SLC9A9: variants seen among roughly 807,000 people sequenced by gnomAD.
The protein encoded by SLC9A9 is sodium/hydrogen exchanger 9.
In SLC9A9, 62 loss-of-function variants were observed where a neutral mutation model predicts 77.8. The ratio of observed to expected loss-of-function variants is 0.80; its 90% confidence interval spans 0.65 to 0.98. The LOEUF is 0.98. Among genes scored for constraint, SLC9A9 ranks in the 50% least tolerant of loss-of-function variants. The pLI, the probability that SLC9A9 is intolerant of heterozygous loss-of-function variation, is 0.00. For missense variants in SLC9A9, 775 were observed against 774.9 expected, an observed-to-expected ratio of 1.00 and a Z score of 0.00; for synonymous variants, 320 against 283.5, an observed-to-expected ratio of 1.13 and a Z score of -1.29.
chr3:143,396,358 A>G (rs900991832), intron 12 of SLC9A9, among the ~76,000 whole-genome samples: 1 of 152,204 alleles, frequency 6.6e-6, no homozygotes, highest in Non-Finnish European at 1.5e-5. Context: ...AAAAAACCAA[A>G]CACCGCATGT....
At chr3:143,417,000 G>A (rs184234310) in intron 12 of SLC9A9, among the ~76,000 whole-genome samples, 53 of 152,282 alleles carry the variant, frequency 3.5e-4, no homozygotes, top group South Asian at 2.1e-3. Context: ...ATGGGGAAAG[G>A]ATAAAGAAGA....
At chr3:143,327,975 A>G (rs1465052054) in intron 14 of SLC9A9, among the ~76,000 whole-genome samples, 1 of 152,246 alleles carries the variant, frequency 6.6e-6, no homozygotes, top group East Asian at 1.9e-4. Flanking sequence ...ACCCATGTCA[A>G]CAAGGCATTT....
In SLC9A9 at chr3:143,789,733, A is replaced by G. The variant is rs569439452; in HGVS notation, c.533+5268T>C. 7.9e-5 allele frequency among the ~76,000 whole-genome samples: 12 copies of G among 152,208 alleles called. No homozygotes were observed. The South Asian group carries it at 2.5e-3, about 32-fold the overall frequency. ...AGTTGAGCAGGCACAGTGGCACACAAGAGGGCAGAGGGAGAGTGTCCACAC... is the reference window on the plus strand; with the variant it reads ...AGTTGAGCAGGCACAGTGGCACACAGGAGGGCAGAGGGAGAGTGTCCACAC... On this transcript the variant is annotated intron_variant, in intron 4 of 15. Transcript: ENST00000316549.
intron 6 of SLC9A9, among the ~76,000 whole-genome samples, chr3:143,613,032 T>C (rs995869126): frequency 6.6e-6 from 1 of 152,230 alleles, no homozygotes; most frequent in Non-Finnish European, 1.5e-5. Context: ...AGCCTCCCAA[T>C]AACATACTGC....
At chr3:143,446,666 G>A (rs766779628) in intron 12 of SLC9A9, among the ~76,000 whole-genome samples, 1 of 152,176 alleles carries the variant, frequency 6.6e-6, no homozygotes, top group Non-Finnish European at 1.5e-5. Context: ...TCTGTGGGGT[G>A]TGATCTATCA....
intron 4 of SLC9A9, among the ~76,000 whole-genome samples, chr3:143,765,002 T>TTCCTTC (rs1180532419): frequency 0.012 from 1,662 of 135,944 alleles, 27 homozygotes; most frequent in African/African-American, 0.054. Flanking sequence ...TTCCTTCCTT[T>TTCCTTC]CTTTCTTTCT....
At chr3:143,601,166 A>G (rs1355785862) in intron 6 of SLC9A9, among the ~76,000 whole-genome samples, 1 of 152,178 alleles carries the variant, frequency 6.6e-6, no homozygotes, top group Non-Finnish European at 1.5e-5. Context: ...TATTCATTCA[A>G]TGAATATTTA....
intron 2 of SLC9A9, among the ~76,000 whole-genome samples, chr3:143,827,209 T>C (rs2009321847): frequency 6.6e-6 from 1 of 152,230 alleles, no homozygotes; most frequent in Non-Finnish European, 1.5e-5. Context: ...TATCATGTAA[T>C]AGGATGTAGG....
chr3:143,616,798 G>A (rs1187335253), intron 6 of SLC9A9, among the ~76,000 whole-genome samples: 2 of 152,032 alleles, frequency 1.3e-5, no homozygotes, highest in East Asian at 3.9e-4. Context: ...TCATAAATAT[G>A]GATAAAGAAG....
intron 4 of SLC9A9, among the ~76,000 whole-genome samples, chr3:143,726,970 T>A (rs1201983611): frequency 6.6e-6 from 1 of 151,942 alleles, no homozygotes; most frequent in East Asian, 1.9e-4. Context: ...AGGATTGAGA[T>A]GAGTCATAGA....
chr3:143,840,686 A>G (rs2009684726), intron 1 of SLC9A9, among the ~76,000 whole-genome samples: 1 of 152,202 alleles, frequency 6.6e-6, no homozygotes, highest in Admixed American at 6.5e-5. Context: ...GCTTCAAGGT[A>G]GAGAAGAAAC....
intron 6 of SLC9A9, among the ~76,000 whole-genome samples, chr3:143,601,534 G>T (rs1168887397): frequency 6.6e-6 from 1 of 152,146 alleles, no homozygotes; most frequent in Non-Finnish European, 1.5e-5. Flanking sequence ...CAGAACCTCT[G>T]CTCTTTCACT....
intron 4 of SLC9A9, among the ~76,000 whole-genome samples, chr3:143,726,221 A>C (rs1934648983): frequency 6.8e-6 from 1 of 147,768 alleles, no homozygotes; most frequent in South Asian, 2.2e-4. Context: ...TGCACCCCTG[A>C]ACTTAAAATA....
intron 4 of SLC9A9, among the ~76,000 whole-genome samples, chr3:143,726,772 T>C (rs1258225556): frequency 6.6e-6 from 1 of 152,058 alleles, no homozygotes; most frequent in Non-Finnish European, 1.5e-5. Flanking sequence ...TTTTCTAAAA[T>C]GCCTGAGGGA....
At chr3:143,784,413 G>A (rs911841986) in intron 4 of SLC9A9, among the ~76,000 whole-genome samples, 1 of 152,142 alleles carries the variant, frequency 6.6e-6, no homozygotes, top group Admixed American at 6.5e-5. Flanking sequence ...AGAGGCCAGT[G>A]AGTTAGCTCT....
Position 143,812,094 on chromosome 3 carries a change from G to C in SLC9A9, c.379-15191C>G, listed in dbSNP as rs992105010. On this transcript the variant is annotated intron_variant, in intron 2 of 15. Coordinates refer to ENST00000316549, the MANE Select transcript of SLC9A9 (RefSeq NM_173653.4). ...CTCAGATCCACTGGATTTAAACTAT[G>C]TTTACTCAAACCTGTTGAGCTATTT... 2.6e-4 allele frequency among the ~76,000 whole-genome samples: 40 copies of C among 152,176 alleles called. 1 individual carries two copies. The highest frequency in any genetic ancestry group is 9.2e-4 in the African/African-American group (38 of 41,516).
At chr3:143,529,229 G>A (rs574880396) in intron 9 of SLC9A9, among the ~76,000 whole-genome samples, 8 of 152,206 alleles carry the variant, frequency 5.3e-5, no homozygotes, top group Non-Finnish European at 7.4e-5. Context: ...GATCAGAACC[G>A]CAATACTGAG....
intron 12 of SLC9A9, among the ~76,000 whole-genome samples, chr3:143,459,617 G>T (rs560123167): frequency 2.6e-5 from 4 of 152,012 alleles, no homozygotes; most frequent in Non-Finnish European, 4.4e-5. Flanking sequence ...ATGCTGTTTA[G>T]GCTCAGACAC....
Position 143,267,345 on chromosome 3 carries a change from CT to C in SLC9A9, c.1711-417del, listed in dbSNP as rs749407002. Among the ~76,000 whole-genome samples, 694 of 113,586 alleles carry C rather than the reference CT, an allele frequency of 6.1e-3. 3 individuals carry two copies. The highest frequency in any genetic ancestry group is 0.013 in the African/African-American group (346 of 26,140). 74.5% of individuals were successfully genotyped at this position (113,586 alleles called of 152,430 possible). A position where few individuals can be genotyped will look rare whatever the true frequency, so the allele number is the denominator to read the frequency against. ...AATCCTTGAAACACAGTTATTGCTA[CT>C]TTTTTTTTTTTTTTTTTTTTGAGAC... is the stretch of plus-strand genomic sequence containing the variant. On this transcript the variant is annotated intron_variant, in intron 15 of 15. Transcript: ENST00000316549.
Sources: gnomAD v4.1 joint callset for allele counts (sites outside exome capture counted in the v4.1 genomes callset) on GRCh38, gnomAD v4.1.1 for gene constraint, MANE v1.5 for transcripts, NCBI Gene and HGNC (gene_info 2026-07-23, HGNC 2026-07-21) for gene names.